The following ELMOD3 variants were observed in gnomAD, a reference collection of about 807,000 sequenced individuals.
ELMOD3 encodes ELMO domain containing 3.
In ELMOD3, 36 loss-of-function variants were observed where a neutral mutation model predicts 47.4. The ratio of observed to expected loss-of-function variants is 0.76; its 90% CI spans 0.58 to 1.00. The LOEUF is 1.00. Ranked by LOEUF, ELMOD3 falls within the 50% of genes least tolerant of loss-of-function variation. The pLI is 0.00. For synonymous variants in ELMOD3, 149 were observed against 183.5 expected (o/e 0.81, Z 1.52); for missense variants, 404 against 463.8 (o/e 0.87, Z 1.18).
intron 4 of ELMOD3, among the ~76,000 whole-genome samples, chr2:85,361,224 G>A (rs1017396283): frequency 6.6e-6 from 1 of 152,174 alleles, no homozygotes; most frequent in Non-Finnish European, 1.5e-5. Context: ...TTTTTCATCT[G>A]TAGCAGGGGA....
chr2:85,365,548 G>A (rs1213719241), intron 6 of ELMOD3, among the ~76,000 whole-genome samples: 2 of 152,090 alleles, frequency 1.3e-5, no homozygotes, highest in South Asian at 2.1e-4. Context: ...CTTTGCCCCC[G>A]TGTTCTTCTG....
chr2:85,362,560 T>TA (rs1342179065), intron 5 of ELMOD3, among the ~76,000 whole-genome samples: 1 of 152,186 alleles, frequency 6.6e-6, no homozygotes, highest in Non-Finnish European at 1.5e-5. Flanking sequence ...AAGGTGGACA[T>TA]ACACTTGTCC....
intron 3 of ELMOD3, chr2:85,356,519 C>T (rs1683576109): frequency 6.6e-6 from 1 of 152,266 alleles, no homozygotes; most frequent in African/African-American, 2.4e-5. Context: ...CATCCTGTGG[C>T]TTGGGTAGTA....
intron 4 of ELMOD3, among the ~76,000 whole-genome samples, chr2:85,358,492 A>C (rs765267218): frequency 3.3e-5 from 5 of 152,062 alleles, no homozygotes; most frequent in Non-Finnish European, 7.4e-5. Context: ...GGAAAACTAC[A>C]TGAACAAAGG....
chr2:85,377,434 T>TGGCGCAGGAGATTTTCCGCCTGTCTC lies in ELMOD3; in HGVS notation c.700_725dup (p.His243ArgfsTer19), dbSNP rs1190533361. ...GTGATGGACTCAAAGACCTTGCCGA[T>TGGCGCAGGAGATTTTCCGCCTGTCTC]GGCGCAGGAGATTTTCCGCCTGTCT... On this transcript the variant is annotated frameshift_variant, in exon 11 of 14. Transcript: ENST00000409013. LOFTEE classifies it high-confidence loss of function. 6.2e-6 allele frequency: 10 copies of TGGCGCAGGAGATTTTCCGCCTGTCTC among 1,610,486 alleles called. No homozygotes were observed. The highest frequency in any genetic ancestry group is 8.5e-6 in the Non-Finnish European group (10 of 1,178,330).
At chr2:85,362,913 G>A (rs970442625) in intron 5 of ELMOD3, among the ~76,000 whole-genome samples, 184 bp from the exon 6 acceptor site, 5 of 152,268 alleles carry the variant, frequency 3.3e-5, no homozygotes, top group South Asian at 2.1e-4. Flanking sequence ...GTGAGACTCC[G>A]TCTCAAAAAA....
intron 11 of ELMOD3, among the ~76,000 whole-genome samples, chr2:85,387,454 G>A (rs938396497): frequency 1.3e-5 from 2 of 152,060 alleles, no homozygotes; most frequent in African/African-American, 2.4e-5. Context: ...TTGAGGTCAG[G>A]ACTTCAAAAC....
rs1258749899 is a variant in ELMOD3, at chr2:85,376,427, A to G, written c.608-917A>G. Among the ~76,000 whole-genome samples, 1 of 152,166 alleles carries G rather than the reference A, an allele frequency of 6.6e-6. No homozygotes were observed. The highest frequency in any genetic ancestry group is 1.5e-5 in the Non-Finnish European group (1 of 68,016). ...CGGGTATCCCACTTGGCTTGCAGTAATACCAAGTTCAAGACCAGCCTGGCC... is the reference window on the plus strand; with the variant it reads ...CGGGTATCCCACTTGGCTTGCAGTAGTACCAAGTTCAAGACCAGCCTGGCC... On this transcript the variant is annotated intron_variant, in intron 10 of 13. Transcript: ENST00000409013. The surrounding 1 kb of genome is among the most constrained non-coding windows in gnomAD (Gnocchi z 4.2).
In ELMOD3 at chr2:85,377,315, A is replaced by C. The variant is rs753955158; in HGVS notation, c.608-29A>C. Reference sequence around the variant, plus strand: ...CCCTTGAAGCATTGCTCGCTGCCACACCCTGTTTCCTCACGGTCTCTGTTA... The same window carrying C: ...CCCTTGAAGCATTGCTCGCTGCCACCCCCTGTTTCCTCACGGTCTCTGTTA... On this transcript the variant is annotated intron_variant, in intron 10 of 13. Coordinates refer to ENST00000409013, the MANE Select transcript of ELMOD3 (RefSeq NM_001135022.2). 5 of 1,557,338 alleles carry C rather than the reference A, an allele frequency of 3.2e-6. No individual in the cohort carries two copies. In the South Asian group the frequency reaches 6.2e-5, roughly 19 times the overall value.
chr2:85,364,940 C>G (rs1433558250), intron 6 of ELMOD3, among the ~76,000 whole-genome samples: 80 of 146,016 alleles, frequency 5.5e-4, no homozygotes, highest in African/African-American at 2.0e-3. Flanking sequence ...TGGGCTCCAG[C>G]TGGGACTACA....
intron 11 of ELMOD3, among the ~76,000 whole-genome samples, chr2:85,378,524 AC>A (rs950228951): frequency 1.3e-5 from 2 of 152,328 alleles, no homozygotes; most frequent in Non-Finnish European, 2.9e-5. Context: ...AAGCGGGAGG[AC>A]TCGAAGCAGG....
At chr2:85,380,445 T>C (rs1248895074) in intron 11 of ELMOD3, among the ~76,000 whole-genome samples, 3 of 152,242 alleles carry the variant, frequency 2.0e-5, no homozygotes, top group Non-Finnish European at 4.4e-5. Context: ...AAGTTTTTCC[T>C]CTATTCTGAT....
chr2:85,380,000 G>T (rs1394964441), intron 11 of ELMOD3, among the ~76,000 whole-genome samples: 1 of 152,202 alleles, frequency 6.6e-6, no homozygotes, highest in Non-Finnish European at 1.5e-5. Flanking sequence ...CACAAAATAT[G>T]AGGCCAGTTT....
At chr2:85,371,339 GA>G in intron 9 of ELMOD3, 100 bp from the exon 10 acceptor site, 5 of 1,599,374 alleles carry the variant, frequency 3.1e-6, no homozygotes, top group Non-Finnish European at 4.3e-6. Flanking sequence ...TGGGAGCTGA[GA>G]ACTGGATGTC....
chr2:85,364,582 CAAA>C (rs754211534), intron 6 of ELMOD3, among the ~76,000 whole-genome samples: 7 of 124,732 alleles, frequency 5.6e-5, no homozygotes, highest in Admixed American at 1.7e-4. Flanking sequence ...GACTCCATCT[CAAA>C]AAAAAAAAAA....
rs1346154904 is a variant in ELMOD3, at chr2:85,376,382, G to T, written c.608-962G>T. 1.3e-5 allele frequency among the ~76,000 whole-genome samples: 2 copies of T among 152,198 alleles called. No individual in the cohort carries two copies. Among genetic ancestry groups the T allele is most frequent in the African/African-American group, 4.8e-5 (2 of 41,446 alleles). ...GAAGGAGGGACGTCACCATGTTACT[G>T]CCAGGTGGGGGTGGAAGTCCGGGTA... On this transcript the variant is annotated intron_variant, in intron 10 of 13. Coordinates refer to ENST00000409013, the MANE Select transcript of ELMOD3 (RefSeq NM_001135022.2). This position sits in a 1 kb window ranked among gnomAD's most constrained non-coding sequence, Gnocchi z 4.2.
intron 11 of ELMOD3, among the ~76,000 whole-genome samples, chr2:85,386,762 G>A (rs972788649): frequency 1.3e-5 from 2 of 152,134 alleles, no homozygotes; most frequent in Non-Finnish European, 2.9e-5. Context: ...TTGGAAGGCC[G>A]AGACAAGCAG....
At chr2:85,383,011 C>T (rs1685688800) in intron 11 of ELMOD3, among the ~76,000 whole-genome samples, 1 of 149,618 alleles carries the variant, frequency 6.7e-6, no homozygotes, top group Non-Finnish European at 1.5e-5. Context: ...AAGAAATTAC[C>T]TGCCTTCCAT....
At chr2:85,381,056 A>G (rs982621751) in intron 11 of ELMOD3, among the ~76,000 whole-genome samples, 2 of 152,236 alleles carry the variant, frequency 1.3e-5, no homozygotes, top group African/African-American at 4.8e-5. Flanking sequence ...ACACATACCA[A>G]TAACACATTT....
Sources: gnomAD v4.1 joint callset for allele counts (sites outside exome capture counted in the v4.1 genomes callset) on GRCh38, gnomAD v4.1.1 for gene constraint, Gnocchi (gnomAD v3.1) non-coding constraint, MANE v1.5 for transcripts, NCBI Gene and HGNC (gene_info 2026-07-23, HGNC 2026-07-21) for gene names.